The following PPP1R10 variants were observed in gnomAD, a reference collection of about 807,000 sequenced individuals.
The protein encoded by PPP1R10 is protein phosphatase 1 regulatory subunit 10.
A neutral mutation model predicts 99.0 loss-of-function variants in PPP1R10; 15 were observed. The observed-to-expected ratio is 0.15, with a 90% CI of 0.10 to 0.23. The LOEUF is 0.23. PPP1R10 is among the 10% of genes least tolerant of loss of function. PPP1R10 has a pLI of 1.00. For missense variants in PPP1R10, 947 were observed against 1,259.4 expected (o/e 0.75, Z 3.75); for synonymous variants, 430 against 449.5 (o/e 0.96, Z 0.55).
At position 30,610,536 on chromosome 6, in the gene PPP1R10, A is replaced by T. The variant is rs193056474; in HGVS notation, c.-11-581T>A. Reference sequence around the variant, plus strand: ...GTGGTAGATGATGGAGAACAAAACAAAACTTGAAAACAGAATCCCTCCCTA... The same window carrying T: ...GTGGTAGATGATGGAGAACAAAACATAACTTGAAAACAGAATCCCTCCCTA... On this transcript the variant is annotated intron_variant, in intron 2 of 19. Transcript: ENST00000376511. 9.8e-5 allele frequency among the ~76,000 whole-genome samples: 15 copies of T among 152,344 alleles called. No homozygotes were observed. In the East Asian group the frequency reaches 2.9e-3, roughly 29 times the overall value.
chr6:30,615,920 G>A (rs1372013423), intron 2 of PPP1R10, among the ~76,000 whole-genome samples: 1 of 152,070 alleles, frequency 6.6e-6, no homozygotes, highest in African/African-American at 2.4e-5. Flanking sequence ...AAAATTGAGA[G>A]GATTTAACAG....
Position 30,607,899 on chromosome 6 carries a change from A to G in PPP1R10, c.331-8T>C. ...CAGTTTAGCTGTGTTGTTCTATGAG[A>G]GATGGGAGCAGCAGAAAGGTAAATG... On this transcript the variant is annotated splice_polypyrimidine_tract_variant and splice_region_variant and intron_variant, in intron 5 of 19. Transcript: ENST00000376511. The G allele has an allele frequency of 6.2e-7, 1 of 1,612,702 alleles. No individual in the cohort carries two copies. The highest frequency in any genetic ancestry group is 8.5e-7 in the Non-Finnish European group (1 of 1,179,854).
At chr6:30,615,446 A>T (rs983763245) in intron 2 of PPP1R10, among the ~76,000 whole-genome samples, 2 of 152,108 alleles carry the variant, frequency 1.3e-5, no homozygotes, top group African/African-American at 4.8e-5. Context: ...AAGGACTTGG[A>T]CCCCTCTCAA....
chr6:30,602,523 C>T lies in PPP1R10; in HGVS notation c.2126G>A (p.Gly709Asp). 1.3e-6 allele frequency: 2 copies of T among 1,570,272 alleles called. No individual in the cohort carries two copies. The highest frequency in any genetic ancestry group is 2.3e-5 in the South Asian group (2 of 86,142). ...GPGPYHRGRG[G>D]RGGNEPPPPP... is the part of the protein sequence containing the mutation. ...AGGAGGAGGTTCGTTTCCTCCTCGG[C>T]CACCTCGGCCTCTATGGTATGGTCC... Residue 709 changes from glycine to aspartate, a missense_variant, in exon 19 of 20, where the codon GGC (glycine) becomes GAC (aspartate). Coordinates refer to ENST00000376511, the MANE Select transcript of PPP1R10 (RefSeq NM_002714.4). This position sits in a 1 kb window ranked among gnomAD's most constrained non-coding sequence, Gnocchi z 6.7.
At position 30,606,481 on chromosome 6, in the gene PPP1R10, C is replaced by G; in HGVS notation, c.621G>C (p.Lys207Asn). 6.2e-7 allele frequency: 1 copy of G among 1,613,054 alleles called. No individual in the cohort carries two copies. The highest frequency in any genetic ancestry group is 8.5e-7 in the Non-Finnish European group (1 of 1,180,038). ...CGCCAGTCTTACCAGTGGAACGGAA[C>G]TTGGCATGACTGGGTGCTGTGGTGC... ...SLRTTAPSHA[K>N]FRSTGLELET... Residue 207 changes from lysine to asparagine, a missense_variant, in exon 8 of 20, where the codon AAG (lysine) becomes AAC (asparagine). Physicochemically the swap from Lys to Asn is moderately conservative, Grantham distance 94. Transcript: ENST00000376511. This position sits in a 1 kb window ranked among gnomAD's most constrained non-coding sequence, Gnocchi z 6.3.
Position 30,604,825 on chromosome 6 carries a change from G to C in PPP1R10, c.955-90C>G. The stretch of plus-strand genomic sequence containing the variant: ...GGGTCCCAGGCACAGTCCCCCAACA[G>C]TTCCTATATAAAGGAAGACTCTGTC... On this transcript the variant is annotated intron_variant, in intron 11 of 19. Coordinates refer to ENST00000376511, the MANE Select transcript of PPP1R10 (RefSeq NM_002714.4). This position sits in a 1 kb window ranked among gnomAD's most constrained non-coding sequence, Gnocchi z 7.3. The C allele has an allele frequency of 6.4e-7, 1 of 1,572,644 alleles. No individual in the cohort carries two copies. Among genetic ancestry groups the C allele is most frequent in the Non-Finnish European group, 8.7e-7 (1 of 1,144,360 alleles).
In PPP1R10 at chr6:30,600,637, G is replaced by A. The variant is rs1028130499; in HGVS notation, c.*912C>T. 6.6e-6 allele frequency: 1 copy of A among 152,580 alleles called. No individual in the cohort carries two copies. Among genetic ancestry groups the A allele is most frequent in the African/African-American group, 2.4e-5 (1 of 41,448 alleles). 9.5% of individuals were successfully genotyped at this position (152,580 alleles called of 1,614,324 possible). On this transcript the variant is annotated 3_prime_UTR_variant, in exon 20 of 20. Coordinates refer to ENST00000376511, the MANE Select transcript of PPP1R10 (RefSeq NM_002714.4). ...GAAGGCGCCTGGTGGGGATTCAGAG[G>A]TGGTTGACAGGGTGAAGTACCTGGA...
intron 2 of PPP1R10, among the ~76,000 whole-genome samples, chr6:30,613,419 G>A (rs1804753258): frequency 6.6e-6 from 1 of 152,158 alleles, no homozygotes; most frequent in Non-Finnish European, 1.5e-5. Context: ...AACCCCTTAT[G>A]TTCCCCTTCC....
chr6:30,601,010 G>A lies in PPP1R10; in HGVS notation c.*539C>T, dbSNP rs1803256171. On this transcript the variant is annotated 3_prime_UTR_variant, in exon 20 of 20. Transcript: ENST00000376511. Reference sequence around the variant, plus strand: ...GAGCCCACGCTGGGGGAGGGGTGGGGATGATGTGTGTTCCAGAACTCAAAT... The same window carrying A: ...GAGCCCACGCTGGGGGAGGGGTGGGAATGATGTGTGTTCCAGAACTCAAAT... 6.5e-6 allele frequency: 1 copy of A among 153,426 alleles called. No individual in the cohort carries two copies. Among genetic ancestry groups the A allele is most frequent in the South Asian group, 2.1e-4 (1 of 4,860 alleles). 9.5% of individuals were successfully genotyped at this position (153,426 alleles called of 1,614,324 possible). A position where few individuals can be genotyped will look rare whatever the true frequency, so the allele number is the denominator to read the frequency against.
chr6:30,604,569 G>T lies in PPP1R10; in HGVS notation c.1102+19C>A, dbSNP rs780179587. 3.7e-6 allele frequency: 6 copies of T among 1,612,866 alleles called. No individual in the cohort carries two copies. In the East Asian group the frequency reaches 1.3e-4, roughly 36 times the overall value. ...CTCCTTTCAGAAAACCCCCCAAACT[G>T]AACCAGTTTCTAGATTACCTGTATC... On this transcript the variant is annotated intron_variant, in intron 12 of 19. Transcript: ENST00000376511. The surrounding 1 kb of genome is among the most constrained non-coding windows in gnomAD (Gnocchi z 7.3).
In PPP1R10 at chr6:30,609,309, G is replaced by A. The variant is rs1417589623; in HGVS notation, c.108-146C>T. The A allele has an allele frequency of 1.5e-6, 1 of 688,970 alleles. No individual in the cohort carries two copies. Among genetic ancestry groups the A allele is most frequent in the Non-Finnish European group, 2.5e-6 (1 of 399,816 alleles). 42.7% of individuals were successfully genotyped at this position (688,970 alleles called of 1,614,324 possible). On this transcript the variant is annotated intron_variant, in intron 3 of 19. Transcript: ENST00000376511. This position sits in a 1 kb window ranked among gnomAD's most constrained non-coding sequence, Gnocchi z 4.5. ...GAGTCACATATACCTCTAGGAAGAT[G>A]GGATGGATCCAGTGTGACATGGAAA...
chr6:30,614,852 AG>A (rs1760289774), intron 2 of PPP1R10, among the ~76,000 whole-genome samples: 1 of 152,248 alleles, frequency 6.6e-6, no homozygotes, highest in African/African-American at 2.4e-5. Flanking sequence ...TATAAAAACT[AG>A]AACTACACAG....
chr6:30,603,664 C>T lies in PPP1R10; in HGVS notation c.1575G>A (p.Glu525=). Residue 525 remains glutamate, a splice_region_variant and synonymous_variant, in exon 16 of 20, where the codon GAG becomes GAA. Coordinates refer to ENST00000376511, the MANE Select transcript of PPP1R10 (RefSeq NM_002714.4). ...IPPKLIPLDE[E]CSMDETPYVE... is the part of the protein sequence containing the mutation. ...CATACGGAGTCTCATCCATGGAACACTCCTGAAAGAAGAACAAAAAAAATC... is the reference window on the plus strand; with the variant it reads ...CATACGGAGTCTCATCCATGGAACATTCCTGAAAGAAGAACAAAAAAAATC... 2.5e-6 allele frequency: 4 copies of T among 1,585,056 alleles called. No individual in the cohort carries two copies. In the South Asian group the frequency reaches 4.6e-5, roughly 18 times the overall value.
intron 1 of PPP1R10, 94 bp downstream of exon 1, chr6:30,617,130 C>G (rs1760685965): frequency 6.5e-6 from 1 of 152,910 alleles, no homozygotes; most frequent in Non-Finnish European, 1.5e-5. Context: ...TAAGCCGTGG[C>G]TCTCAAATGA....
chr6:30,603,453 G>C lies in PPP1R10; in HGVS notation c.1767+19C>G. ...AGGAGGCTCCACAGAAGGTGGAAAA[G>C]GGGAAGGAGGGTGCGTACCATGATG... On this transcript the variant is annotated intron_variant, in intron 16 of 19. Coordinates refer to ENST00000376511, the MANE Select transcript of PPP1R10 (RefSeq NM_002714.4). The C allele has an allele frequency of 6.2e-7, 1 of 1,600,394 alleles. No homozygotes were observed. The highest frequency in any genetic ancestry group is 8.5e-7 in the Non-Finnish European group (1 of 1,171,496).
chr6:30,615,135 G>A (rs994756849), intron 2 of PPP1R10, among the ~76,000 whole-genome samples: 7 of 151,708 alleles, frequency 4.6e-5, no homozygotes, highest in Non-Finnish European at 1.0e-4. Context: ...CAAAGACGGA[G>A]GGACGCCATT....
chr6:30,601,447 G>A lies in PPP1R10; in HGVS notation c.*102C>T. 1 of 1,017,040 alleles carries A rather than the reference G, an allele frequency of 9.8e-7. No individual in the cohort carries two copies. The allele number at this position is 1,017,040 out of a possible 1,614,324, so 63.0% of individuals were successfully genotyped here. A position where few individuals can be genotyped will look rare whatever the true frequency, so the allele number is the denominator to read the frequency against. ...AACTGAGGGGGCCGGCTCCTCATCA[G>A]CTGGGGAAAAGGGAAAATGGGCCTC... On this transcript the variant is annotated 3_prime_UTR_variant, in exon 20 of 20. Transcript: ENST00000376511.
Position 30,602,728 on chromosome 6 carries a change from C to A in PPP1R10, c.1958-37G>T. 6.3e-7 allele frequency: 1 copy of A among 1,591,156 alleles called. No individual in the cohort carries two copies. Among genetic ancestry groups the A allele is most frequent in the Non-Finnish European group, 8.6e-7 (1 of 1,169,110 alleles). On this transcript the variant is annotated intron_variant, in intron 18 of 19. Transcript: ENST00000376511. The surrounding 1 kb of genome is among the most constrained non-coding windows in gnomAD (Gnocchi z 6.7). Reference sequence around the variant, plus strand: ...CAAAAAAGAGAGACAGTATCAGCTACCAGGAACTGCCATCTCCCAACCTAA... The same window carrying A: ...CAAAAAAGAGAGACAGTATCAGCTAACAGGAACTGCCATCTCCCAACCTAA...
chr6:30,600,513 CA>C lies in PPP1R10; in HGVS notation c.*1035del, dbSNP rs200804096. Reference sequence around the variant, plus strand: ...TTTGGCTCTAACCCAAGACCCTGCACAAAACCCAACCAATCCACTGTTTTCA... The same window carrying C: ...TTTGGCTCTAACCCAAGACCCTGCACAAACCCAACCAATCCACTGTTTTCA... On this transcript the variant is annotated 3_prime_UTR_variant, in exon 20 of 20. Transcript: ENST00000376511. 1,043 of 152,608 alleles carry C rather than the reference CA, an allele frequency of 6.8e-3. 6 individuals are homozygous for C. Among genetic ancestry groups the C allele is most frequent in the Middle Eastern group, 0.014 (4 of 294 alleles). The allele number at this position is 152,608 out of a possible 1,614,324, so 9.5% of individuals were successfully genotyped here.
Sources: allele counts gnomAD v4.1 joint callset (sites outside exome capture counted in the v4.1 genomes callset), GRCh38; gene constraint gnomAD v4.1.1; non-coding constraint Gnocchi (gnomAD v3.1); transcripts MANE v1.5; gene names NCBI Gene and HGNC (gene_info 2026-07-23, HGNC 2026-07-21).